ABHD2: variants seen among roughly 807,000 people sequenced by gnomAD.
ABHD2 encodes the protein monoacylglycerol lipase ABHD2.
A neutral mutation model predicts 48.1 loss-of-function variants in ABHD2; 20 were observed. That is an observed-to-expected ratio of 0.42 (90% CI 0.29 to 0.60). The LOEUF is 0.60. ABHD2 is among the 20% of genes least tolerant of loss of function. ABHD2 has a pLI of 0.24. For synonymous variants in ABHD2, 209 were observed against 214.2 expected, an observed-to-expected ratio of 0.98 and a Z score of 0.21; for missense variants, 405 against 550.9, an observed-to-expected ratio of 0.74 and a Z score of 2.65.
rs533529369 is a variant in ABHD2 at position 89,195,149 on chromosome 15, T to A, written c.1082-78T>A. ...CCCTGCGGGGACAGCCAGGCTACCC[T>A]AGCCAGCTCACCTCTGCACCTCCTG... On this transcript the variant is annotated intron_variant, in intron 10 of 10. Transcript: ENST00000352732. This position sits in a 1 kb window ranked among gnomAD's most constrained non-coding sequence, Gnocchi z 5.1. The A allele has an allele frequency of 6.6e-7, 1 of 1,525,114 alleles. No homozygotes were observed. Among genetic ancestry groups the A allele is most frequent in the East Asian group, 2.3e-5 (1 of 44,004 alleles). 94.5% of individuals were successfully genotyped at this position (1,525,114 alleles called of 1,614,324 possible).
intron 3 of ABHD2, among the ~76,000 whole-genome samples, chr15:89,148,357 C>G (rs1189684187): frequency 6.6e-6 from 1 of 151,946 alleles, no homozygotes; most frequent in Non-Finnish European, 1.5e-5. Flanking sequence ...TTTTTTTCAA[C>G]CATAGATTGG....
chr15:89,046,347 T>C, the ABHD2 span, among the ~76,000 whole-genome samples: 1 of 152,200 alleles, frequency 6.6e-6, no homozygotes, highest in Non-Finnish European at 1.5e-5. Flanking sequence ...AGGATATTGG[T>C]CTAAAATTCT....
At chr15:89,192,070 T>A (rs2051315440) in intron 9 of ABHD2, among the ~76,000 whole-genome samples, 1 of 152,246 alleles carries the variant, frequency 6.6e-6, no homozygotes. Context: ...GTCCCTCTCA[T>A]TCTGTCTTTG....
Position 89,106,621 on chromosome 15 carries a change from T to C in ABHD2, c.-106-7104T>C, listed in dbSNP as rs1336353355. On this transcript the variant is annotated intron_variant, in intron 1 of 10. Coordinates refer to ENST00000352732, the MANE Select transcript of ABHD2 (RefSeq NM_152924.5). This position sits in a 1 kb window ranked among gnomAD's most constrained non-coding sequence, Gnocchi z 4.2. ...CTCCCCAAAATCATCTGGGCTTGTT[T>C]TCGTCCCTGCAGAATGGTTTTTTTC... Among the ~76,000 whole-genome samples the C allele has an allele frequency of 6.6e-6, 1 of 152,188 alleles. No individual in the cohort carries two copies. Among genetic ancestry groups the C allele is most frequent in the African/African-American group, 2.4e-5 (1 of 41,450 alleles).
chr15:89,172,499 A>G (rs1269742588), intron 5 of ABHD2, among the ~76,000 whole-genome samples: 1 of 152,254 alleles, frequency 6.6e-6, no homozygotes, highest in Non-Finnish European at 1.5e-5. Flanking sequence ...CACATGTACC[A>G]CATTGCTCTT....
chr15:89,077,265 C>G, the ABHD2 span, among the ~76,000 whole-genome samples: 2 of 152,224 alleles, frequency 1.3e-5, no homozygotes, highest in African/African-American at 4.8e-5. Context: ...TCTTGGATGA[C>G]TGGCTTCTTT....
chr15:89,152,883 A>T (rs144781499), intron 4 of ABHD2, among the ~76,000 whole-genome samples: 37 of 152,322 alleles, frequency 2.4e-4, no homozygotes, highest in Non-Finnish European at 4.7e-4. Context: ...TTTGAATGCT[A>T]TTGCTACCAA....
intron 3 of ABHD2, among the ~76,000 whole-genome samples, chr15:89,147,499 G>A (rs1420993206): frequency 6.6e-6 from 1 of 151,424 alleles, no homozygotes; most frequent in Non-Finnish European, 1.5e-5. Flanking sequence ...GATTACAGGT[G>A]CCCGCCACCA....
the ABHD2 span, among the ~76,000 whole-genome samples, chr15:89,062,466 C>T: frequency 6.6e-6 from 1 of 151,970 alleles, no homozygotes; most frequent in Non-Finnish European, 1.5e-5. Flanking sequence ...CTCACGGTAG[C>T]CTTGATCTCC....
At chr15:89,062,573 A>C in the ABHD2 span, among the ~76,000 whole-genome samples, 2 of 152,130 alleles carry the variant, frequency 1.3e-5, no homozygotes, top group East Asian at 3.9e-4. Flanking sequence ...ATTTTTGTAG[A>C]GACAGGGTTT....
rs528184433 is a variant in ABHD2 at position 89,102,644 on chromosome 15, C to T, written c.-106-11081C>T. The T allele has an allele frequency of 2.0e-5, 3 of 152,364 alleles. No homozygotes were observed. The South Asian group carries it at 6.2e-4, about 32-fold the overall frequency. 9.4% of individuals were successfully genotyped at this position (152,364 alleles called of 1,614,324 possible). On this transcript the variant is annotated intron_variant, in intron 1 of 10. Transcript: ENST00000352732. This position sits in a 1 kb window ranked among gnomAD's most constrained non-coding sequence, Gnocchi z 4.8. ...CTGCCATTTTTTATGAAACCATCTTCCTTGATGGCCAGTTCCTTGCCTCCC... is the reference window on the plus strand; with the variant it reads ...CTGCCATTTTTTATGAAACCATCTTTCTTGATGGCCAGTTCCTTGCCTCCC...
chr15:89,119,327 G>T (rs993125381), intron 3 of ABHD2, among the ~76,000 whole-genome samples: 2 of 152,094 alleles, frequency 1.3e-5, no homozygotes, highest in Non-Finnish European at 2.9e-5. Flanking sequence ...AAGGGCAAAA[G>T]GATTCACTTT....
chr15:89,048,224 G>A, the ABHD2 span, among the ~76,000 whole-genome samples: 5 of 151,698 alleles, frequency 3.3e-5, no homozygotes, highest in East Asian at 5.8e-4. Flanking sequence ...TTGAATATTG[G>A]CCCCCACTCT....
At chr15:89,053,524 C>T in the ABHD2 span, among the ~76,000 whole-genome samples, 2 of 152,304 alleles carry the variant, frequency 1.3e-5, no homozygotes, top group East Asian at 3.9e-4. Context: ...TGACCAACAG[C>T]AGCTACCAAT....
chr15:89,079,010 G>A, the ABHD2 span, among the ~76,000 whole-genome samples: 1 of 152,154 alleles, frequency 6.6e-6, no homozygotes. The surrounding 1 kb of genome is among the most constrained non-coding windows in gnomAD (Gnocchi z 4.3). Flanking sequence ...TGGGATTACA[G>A]GCATGAGTCA....
At chr15:89,169,681 A>G (rs2050889104) in intron 5 of ABHD2, among the ~76,000 whole-genome samples, 1 of 152,182 alleles carries the variant, frequency 6.6e-6, no homozygotes, top group Admixed American at 6.5e-5. Flanking sequence ...AGCACAAACC[A>G]TTGCTCCAGC....
At chr15:89,090,924 T>A (rs1441040544) in intron 1 of ABHD2, among the ~76,000 whole-genome samples, 3 of 152,182 alleles carry the variant, frequency 2.0e-5, no homozygotes, top group African/African-American at 7.2e-5. Context: ...GTCATTCGAA[T>A]AGGGGGAGCA....
chr15:89,142,951 G>A (rs2050429307), intron 3 of ABHD2, among the ~76,000 whole-genome samples: 2 of 151,934 alleles, frequency 1.3e-5, no homozygotes, highest in African/African-American at 4.8e-5. Flanking sequence ...ATTTTTCTTT[G>A]GGAAAATATT....
Position 89,097,625 on chromosome 15 carries a change from T to C in ABHD2, c.-107+9062T>C, listed in dbSNP as rs1223945344. On this transcript the variant is annotated intron_variant, in intron 1 of 10. Transcript: ENST00000352732. The surrounding 1 kb of genome is among the most constrained non-coding windows in gnomAD (Gnocchi z 4.2). ...CTGGGTAGTCTGTCCAGTAGAGGTA[T>C]TTGTTTACTTTTGACAGATAACGCA... 6.6e-6 allele frequency among the ~76,000 whole-genome samples: 1 copy of C among 152,222 alleles called. No individual in the cohort carries two copies. Among genetic ancestry groups the C allele is most frequent in the Non-Finnish European group, 1.5e-5 (1 of 68,038 alleles).
Sources: gnomAD v4.1 joint callset for allele counts (sites outside exome capture counted in the v4.1 genomes callset) on GRCh38, gnomAD v4.1.1 for gene constraint, Gnocchi (gnomAD v3.1) non-coding constraint, MANE v1.5 for transcripts, NCBI Gene and HGNC (gene_info 2026-07-23, HGNC 2026-07-21) for gene names.